Variants in MYO9B observed in about 807,000 individuals in gnomAD.
The protein encoded by MYO9B is myosin IXB.
MYO9B carries 71 observed loss-of-function variants against 229.5 expected under a neutral mutation model. The ratio of observed to expected loss-of-function variants is 0.31; its 90% confidence interval spans 0.26 to 0.38. MYO9B has a LOEUF of 0.38. Ranked by LOEUF, MYO9B falls within the 10% of genes least tolerant of loss-of-function variation. The probability of loss-of-function intolerance (pLI) is 1.00; values close to 1 mark genes in which losing one functional copy is unlikely to be tolerated. For missense variants in MYO9B, 2,255 were observed against 2,920.5 expected (o/e 0.77, Z 5.25); for synonymous variants, 1,185 against 1,235.8 (o/e 0.96, Z 0.86).
chr19:17,132,561 C>T (rs1185766191), intron 2 of MYO9B, among the ~76,000 whole-genome samples: 1 of 135,862 alleles, frequency 7.4e-6, no homozygotes, highest in African/African-American at 2.8e-5. Flanking sequence ...CAGAGTCTCG[C>T]TCTGTCGCCC....
chr19:17,142,655 G>A (rs934062290), intron 2 of MYO9B, among the ~76,000 whole-genome samples: 6 of 152,100 alleles, frequency 3.9e-5, no homozygotes, highest in Admixed American at 3.9e-4. Flanking sequence ...GGTAGTCTCT[G>A]TTGCAACACA....
At chr19:17,188,125 T>G (rs2072939867) in intron 19 of MYO9B, 80 bp downstream of exon 19, 1 of 1,325,586 alleles carries the variant, frequency 7.5e-7, no homozygotes, top group Admixed American at 2.0e-5. Context: ...AGCTCCTTGC[T>G]GGAGTGTAAA....
chr19:17,202,271 G>T lies in MYO9B; in HGVS notation c.4804G>T (p.Gly1602Cys). 6.3e-7 allele frequency: 1 copy of T among 1,583,800 alleles called. No individual in the cohort carries two copies. Among genetic ancestry groups the T allele is most frequent in the Non-Finnish European group, 8.6e-7 (1 of 1,166,936 alleles). The change falls in exon 28 of 40, where the codon GGC becomes TGC. Residue 1602 changes from glycine (G) to cysteine (C), a missense_variant. Coordinates refer to ENST00000682292, the MANE Select transcript of MYO9B (RefSeq NM_004145.4). Reference sequence around the variant, plus strand: ...GTCACTGCTAGATGAGTTCACCCGTGGCTACACCAAGAACGACTTCGAGCC... The same window carrying T: ...GTCACTGCTAGATGAGTTCACCCGTTGCTACACCAAGAACGACTTCGAGCC... ...FQSLLDEFTR[G>C]YTKNDFEPVK...
intron 7 of MYO9B, 45 bp from the exon 8 acceptor site, chr19:17,159,350 C>A: frequency 2.6e-6 from 4 of 1,523,744 alleles, no homozygotes; most frequent in South Asian, 1.2e-5. Context: ...CCTGATAAGT[C>A]CTCCATCTCC....
intron 8 of MYO9B, 140 bp downstream of exon 8, chr19:17,159,624 C>A: frequency 2.5e-6 from 2 of 815,012 alleles, no homozygotes; most frequent in Non-Finnish European, 3.9e-6. Flanking sequence ...GATTGTCATG[C>A]AAGCTCAGGT....
intron 2 of MYO9B, among the ~76,000 whole-genome samples, chr19:17,111,943 C>T (rs12978850): frequency 0.14 from 21,102 of 152,216 alleles, 1,740 homozygotes; most frequent in Non-Finnish European, 0.19. Context: ...TCATACACGT[C>T]GTAGCATGGA....
intron 2 of MYO9B, among the ~76,000 whole-genome samples, chr19:17,125,077 A>G (rs1441829668): frequency 1.3e-5 from 2 of 152,074 alleles, no homozygotes; most frequent in Non-Finnish European, 2.9e-5. Context: ...AGGTGGGCAG[A>G]TCAGTTGAGC....
At chr19:17,093,892 T>TTTATTTAC (rs1397236725) in intron 1 of MYO9B, among the ~76,000 whole-genome samples, 2 of 150,860 alleles carry the variant, frequency 1.3e-5, no homozygotes, top group East Asian at 3.9e-4. Flanking sequence ...TATTTATTTA[T>TTTATTTAC]TTACTTTGTA....
At chr19:17,108,211 C>T (rs1336272606) in intron 2 of MYO9B, among the ~76,000 whole-genome samples, 5 of 152,328 alleles carry the variant, frequency 3.3e-5, no homozygotes, top group African/African-American at 4.8e-5. Flanking sequence ...CGGGGGCTGG[C>T]GAGGCCAGTT....
At position 17,194,696 on chromosome 19, in the gene MYO9B, C is replaced by T; in HGVS notation, c.3269C>T (p.Pro1090Leu). The T allele has an allele frequency of 6.2e-7, 1 of 1,612,876 alleles. No individual in the cohort carries two copies. Among genetic ancestry groups the T allele is most frequent in the African/African-American group, 1.3e-5 (1 of 75,066 alleles). ...GQQVAEQGPE[P>L]AEDGGHLASE... is the part of the protein sequence containing the mutation. ...CAGGTAGCTGAGCAGGGGCCGGAGC[C>T]AGCGGAGGATGGCGGGCACCTGGCA... Residue 1090 changes from proline (P) to leucine (L), a missense_variant, in exon 22 of 40, where the codon CCA (proline) becomes CTA (leucine). Pro to Leu is a moderately conservative substitution (Grantham distance 98, BLOSUM62 -3). This residue lies in a region of MYO9B where 679 missense variants were observed against 770.2 expected (regional missense o/e 0.88). Coordinates refer to ENST00000682292, the MANE Select transcript of MYO9B (RefSeq NM_004145.4).
chr19:17,092,360 A>G (rs2057645888), intron 1 of MYO9B, among the ~76,000 whole-genome samples: 1 of 152,242 alleles, frequency 6.6e-6, no homozygotes, highest in South Asian at 2.1e-4. Flanking sequence ...GTGCACATAC[A>G]CAGGTGTACG....
chr19:17,209,439 A>T (rs1160125772), intron 35 of MYO9B, 147 bp from the exon 36 acceptor site: 7 of 770,276 alleles, frequency 9.1e-6, no homozygotes, highest in Non-Finnish European at 2.1e-6. Flanking sequence ...GTCACACTGC[A>T]TGGGAGCTGG....
rs114808353 is a variant in MYO9B, at chr19:17,209,573, G to A, written c.5625-13G>A. 4,919 of 1,579,078 alleles carry A rather than the reference G, an allele frequency of 3.1e-3. 115 individuals are homozygous for A. The African/African-American group carries it at 0.053, about 17-fold the overall frequency. ...GTAACTGAGTCACTTCCTCCCGTGG[G>A]CCTTCTCTGTAGGTGCGTGGAGATG... On this transcript the variant is annotated splice_polypyrimidine_tract_variant and intron_variant, in intron 35 of 39. Coordinates refer to ENST00000682292, the MANE Select transcript of MYO9B (RefSeq NM_004145.4).
At chr19:17,174,665 T>C (rs2072763796) in intron 13 of MYO9B, among the ~76,000 whole-genome samples, 1 of 150,216 alleles carries the variant, frequency 6.7e-6, no homozygotes, top group Non-Finnish European at 1.5e-5. Flanking sequence ...CCGGACACGG[T>C]GGCTCACGTC....
Position 17,211,919 on chromosome 19 carries a change from GC to G in MYO9B, c.6087del (p.Gly2030AlafsTer23). 1 of 1,574,284 alleles carries G rather than the reference GC, an allele frequency of 6.4e-7. No homozygotes were observed. On this transcript the variant is annotated frameshift_variant, in exon 40 of 40. Transcript: ENST00000682292. LOFTEE classifies it low-confidence loss of function (END_TRUNC). ...GGGCCCCCTGCGCCTGCTCTCCCTT[GC>G]CCCGGCGCGCCCACCCCGAGCCCCC... ...SEGPPAPALP[C>X]PGAPTPSPLP...
chr19:17,153,380 CTT>C (rs2072501349), intron 4 of MYO9B, among the ~76,000 whole-genome samples: 1 of 124,292 alleles, frequency 8.0e-6, no homozygotes, highest in Non-Finnish European at 1.7e-5. Context: ...GTCCTTGTCT[CTT>C]TTAAAAAAAA....
intron 2 of MYO9B, among the ~76,000 whole-genome samples, chr19:17,112,602 AG>A (rs2057858432): frequency 6.6e-6 from 1 of 152,038 alleles, no homozygotes; most frequent in African/African-American, 2.4e-5. Flanking sequence ...GGAGGAGGAG[AG>A]GGGGTCAGAG....
intron 1 of MYO9B, among the ~76,000 whole-genome samples, chr19:17,079,600 A>G (rs1477275744): frequency 5.3e-5 from 8 of 152,112 alleles, no homozygotes; most frequent in Admixed American, 5.2e-4. Flanking sequence ...TCCCAAGCAC[A>G]TACTGCTGAA....
chr19:17,135,702 G>GGGGTAATC (rs755857813), intron 2 of MYO9B, among the ~76,000 whole-genome samples: 31 of 152,144 alleles, frequency 2.0e-4, no homozygotes, highest in Non-Finnish European at 4.4e-4. Context: ...ATTGGTGCAC[G>GGGGTAATC]GGGTAATCGG....
Sources: gnomAD v4.1 joint callset for allele counts (sites outside exome capture counted in the v4.1 genomes callset) on GRCh38, gnomAD v4.1.1 for gene constraint, gnomAD v4.1.1 regional missense constraint, MANE v1.5 for transcripts, NCBI Gene and HGNC (gene_info 2026-07-23, HGNC 2026-07-21) for gene names.